The following ARHGEF18 variants were observed in gnomAD, a reference collection of about 807,000 sequenced individuals.
The protein encoded by ARHGEF18 is Rho/Rac guanine nucleotide exchange factor 18.
In ARHGEF18, 93 loss-of-function variants were observed where a neutral mutation model predicts 155.7. The ratio of observed to expected loss-of-function variants is 0.60; its 90% CI spans 0.50 to 0.71. ARHGEF18 has a LOEUF of 0.71. Among genes scored for constraint, ARHGEF18 ranks in the 30% least tolerant of loss-of-function variants. The pLI, the probability that ARHGEF18 is intolerant of heterozygous loss-of-function variation, is 0.00. For synonymous variants in ARHGEF18, 742 were observed against 753.1 expected (o/e 0.99, Z 0.24); for missense variants, 1,593 against 1,816.1 (o/e 0.88, Z 2.23).
chr19:7,477,082 G>A (rs922817032), downstream of ARHGEF18: 36 of 957,208 alleles, frequency 3.8e-5, no homozygotes, highest in Non-Finnish European at 1.2e-5. Flanking sequence ...CACCCACCCT[G>A]CCCATGGGTT....
intron 1 of ARHGEF18, among the ~76,000 whole-genome samples, chr19:7,354,008 T>G (rs1215641003): frequency 6.6e-6 from 1 of 151,624 alleles, no homozygotes; most frequent in Admixed American, 6.6e-5. Flanking sequence ...ATATCCCTGT[T>G]GTATTTTTAA....
Position 7,456,310 on chromosome 19 carries a change from C to T in ARHGEF18, c.2105-17C>T, listed in dbSNP as rs950251769. The T allele has an allele frequency of 1.2e-6, 2 of 1,613,702 alleles. No individual in the cohort carries two copies. The highest frequency in any genetic ancestry group is 3.3e-5 in the Admixed American group (2 of 60,028). ...TATGGGACTTTTAAGATGCATCCTT[C>T]CATGCTGTTTTCCCAGATATCCTGG... On this transcript the variant is annotated splice_polypyrimidine_tract_variant and intron_variant, in intron 17 of 28. Transcript: ENST00000668164.
intron 1 of ARHGEF18, among the ~76,000 whole-genome samples, chr19:7,351,822 G>C (rs1969165987): frequency 6.6e-6 from 1 of 151,664 alleles, no homozygotes; most frequent in African/African-American, 2.4e-5. Context: ...AGCCTCCTGA[G>C]TAGCTGGGAT....
At position 7,438,250 on chromosome 19, in the gene ARHGEF18, G is replaced by A. The variant is rs958104546; in HGVS notation, c.968-2094G>A. ...CGAGTAGCTGAGACTACAGGCGTGC[G>A]CCACTTGTGCTCAGCTATTTTTTTA... On this transcript the variant is annotated intron_variant, in intron 10 of 28. Coordinates refer to ENST00000668164, the MANE Select transcript of ARHGEF18 (RefSeq NM_001367823.1). Among the ~76,000 whole-genome samples, 65 of 151,296 alleles carry A rather than the reference G, an allele frequency of 4.3e-4. No individual in the cohort carries two copies. In the East Asian group the frequency reaches 5.3e-3, roughly 12 times the overall value.
intron 10 of ARHGEF18, among the ~76,000 whole-genome samples, chr19:7,428,707 A>G (rs1445592667): frequency 2.0e-5 from 3 of 152,156 alleles, no homozygotes; most frequent in African/African-American, 4.8e-5. Flanking sequence ...ACTGTGTCGA[A>G]AAAACGAAAG....
chr19:7,474,210 A>G (rs1485280596), downstream of ARHGEF18, among the ~76,000 whole-genome samples: 1 of 151,678 alleles, frequency 6.6e-6, no homozygotes, highest in Non-Finnish European at 1.5e-5. Flanking sequence ...GTGGTGGCAA[A>G]CACCTGTAAT....
At chr19:7,402,066 T>C (rs575959268) in intron 10 of ARHGEF18, among the ~76,000 whole-genome samples, 2 of 152,048 alleles carry the variant, frequency 1.3e-5, no homozygotes, top group Non-Finnish European at 2.9e-5. Context: ...CTGGGGGTAG[T>C]GGAGTGGGGA....
intron 22 of ARHGEF18, among the ~76,000 whole-genome samples, chr19:7,464,278 T>G (rs1976480026): frequency 2.6e-5 from 4 of 152,256 alleles, no homozygotes; most frequent in African/African-American, 7.2e-5. Context: ...CTTCAGGTGA[T>G]CCGCCCGCCT....
At chr19:7,466,804 CAAAAAAAAAAAA>C (rs965666634) in intron 23 of ARHGEF18, 102 bp from the exon 24 acceptor site, 14 of 496,004 alleles carry the variant, frequency 2.8e-5, no homozygotes, top group Non-Finnish European at 4.0e-5. Context: ...AATTCCGTCT[CAAAAAAAAAAAA>C]AAAAAAAAAA....
chr19:7,420,774 C>T lies in ARHGEF18; in HGVS notation c.968-19570C>T, dbSNP rs115580374. ...TGGGTAAGCACAGTTTGCAGGCAGA[C>T]GGCTGCAGAGGGCAGGTGGCCCTGC... On this transcript the variant is annotated intron_variant, in intron 10 of 28. Transcript: ENST00000668164. 4.5e-3 allele frequency among the ~76,000 whole-genome samples: 689 copies of T among 152,268 alleles called. 6 individuals are homozygous for T. Among genetic ancestry groups the T allele is most frequent in the African/African-American group, 0.016 (658 of 41,574 alleles).
chr19:7,475,103 C>T (rs181440186), downstream of ARHGEF18, among the ~76,000 whole-genome samples: 103 of 152,234 alleles, frequency 6.8e-4, no homozygotes, highest in African/African-American at 1.3e-3. Context: ...CATGCTTGGG[C>T]GTGCCTGTAG....
intron 10 of ARHGEF18, among the ~76,000 whole-genome samples, chr19:7,417,144 A>G (rs1312210801): frequency 6.6e-6 from 1 of 151,986 alleles, no homozygotes; most frequent in Admixed American, 6.6e-5. Context: ...TCCTGACCTC[A>G]AGTGATCCAC....
chr19:7,357,356 A>G (rs1034377201), intron 1 of ARHGEF18, among the ~76,000 whole-genome samples: 4 of 152,076 alleles, frequency 2.6e-5, no homozygotes, highest in African/African-American at 9.7e-5. Flanking sequence ...TGCTCAGCTC[A>G]CCCTGTCTCC....
chr19:7,385,825 CTCTCTCTA>C lies in ARHGEF18; in HGVS notation c.967+2630_967+2637del, dbSNP rs1568285641. Among the ~76,000 whole-genome samples, 81 of 116,120 alleles carry C rather than the reference CTCTCTCTA, an allele frequency of 7.0e-4. 2 individuals are homozygous for C. Among genetic ancestry groups the C allele is most frequent in the African/African-American group, 3.4e-3 (68 of 20,142 alleles). The allele number at this position is 116,120 out of a possible 152,430, so 76.2% of individuals were successfully genotyped here. ...TTTCTATTTTAGAGATAGGATCTAT[CTCTCTCTA>C]TCTCTCTCTCTCTCTCTCTCTCTCT... On this transcript the variant is annotated intron_variant, in intron 10 of 28. Transcript: ENST00000668164.
chr19:7,409,057 C>CTTTTT (rs1013156166), intron 10 of ARHGEF18, among the ~76,000 whole-genome samples: 23 of 115,516 alleles, frequency 2.0e-4, no homozygotes, highest in South Asian at 2.8e-4. Flanking sequence ...GACCCTGTTT[C>CTTTTT]TTTTTTTTTT....
At chr19:7,426,167 A>C (rs767822732) in intron 10 of ARHGEF18, among the ~76,000 whole-genome samples, 4 of 152,104 alleles carry the variant, frequency 2.6e-5, no homozygotes, top group Non-Finnish European at 5.9e-5. Flanking sequence ...CAACAGAGCA[A>C]GACCCTGTCT....
intron 26 of ARHGEF18, among the ~76,000 whole-genome samples, 154 bp from the exon 27 acceptor site, chr19:7,468,671 G>A (rs934495307): frequency 6.6e-6 from 1 of 152,256 alleles, no homozygotes; most frequent in Admixed American, 6.5e-5. Flanking sequence ...AGCAGGGGTT[G>A]GGGACGGGCA....
In ARHGEF18 at chr19:7,459,991, C is replaced by G. The variant is rs759639249; in HGVS notation, c.2449C>G (p.Gln817Glu). Residue 817 changes from glutamine (Q) to glutamate (E), a missense_variant, in exon 20 of 29, where the codon CAA becomes GAA. Physicochemically the swap from Gln to Glu is conservative, Grantham distance 29 (BLOSUM62 2). Transcript: ENST00000668164. ...EARATRLRDF[Q>E]ERLSMKDQLI... ...CCGCGCCACGAGACTCCGGGACTTT[C>G]AAGGTGAGCGGGAGACAGCGTCTGG... 1 of 1,574,922 alleles carries G rather than the reference C, an allele frequency of 6.3e-7. No individual in the cohort carries two copies. The highest frequency in any genetic ancestry group is 1.8e-5 in the Admixed American group (1 of 54,552).
rs1371624602 is a variant in ARHGEF18, at chr19:7,379,006, A to AGTAG, written c.600-114_600-111dup. On this transcript the variant is annotated intron_variant, in intron 6 of 28. Coordinates refer to ENST00000668164, the MANE Select transcript of ARHGEF18 (RefSeq NM_001367823.1). ...CTGTGCCCGGCTGACTGTGGCTTTG[A>AGTAG]GTAGGGTCTGCATCAGGACCTGAGG... 3 of 854,626 alleles carry AGTAG rather than the reference A, an allele frequency of 3.5e-6. No homozygotes were observed. In the African/African-American group the frequency reaches 5.3e-5, roughly 15 times the overall value. The allele number at this position is 854,626 out of a possible 1,614,324, so 52.9% of individuals were successfully genotyped here.
Sources: allele counts gnomAD v4.1 joint callset (sites outside exome capture counted in the v4.1 genomes callset), GRCh38; gene constraint gnomAD v4.1.1; transcripts MANE v1.5; gene names NCBI Gene and HGNC (gene_info 2026-07-23, HGNC 2026-07-21).